MYRFL: variants seen among roughly 807,000 people sequenced by gnomAD.
MYRFL encodes myelin regulatory factor like.
MYRFL carries 88 observed loss-of-function variants against 109.4 expected under a neutral mutation model. That is an observed-to-expected ratio of 0.80 (90% CI 0.68 to 0.96). The LOEUF (loss-of-function observed/expected upper bound fraction) is 0.96, where lower values mean the gene tolerates loss of function less well. MYRFL is among the 40% of genes least tolerant of loss of function. The pLI is 0.00. For synonymous variants in MYRFL, 324 were observed against 320.9 expected (o/e 1.01, Z -0.10); for missense variants, 957 against 954.9 (o/e 1.00, Z -0.03).
At chr12:69,891,618 TCTTTCCTCCTTC>T (rs879775817) in intron 7 of MYRFL, among the ~76,000 whole-genome samples, 1,473 of 117,984 alleles carry the variant, frequency 0.012, 45 homozygotes, top group African/African-American at 0.025. Flanking sequence ...TTTCTTTCTT[TCTTTCCTCCTTC>T]CTTTCTTTTT....
At chr12:69,941,732 T>C (rs879543025) in intron 19 of MYRFL, among the ~76,000 whole-genome samples, 2,180 of 146,722 alleles carry the variant, frequency 0.015, 22 homozygotes, top group Middle Eastern at 0.036. Flanking sequence ...TTCAAAAAAT[T>C]AATGAATCCA....
At chr12:69,929,460 T>G (rs1365368558) in intron 15 of MYRFL, among the ~76,000 whole-genome samples, 2 of 152,140 alleles carry the variant, frequency 1.3e-5, no homozygotes, top group African/African-American at 4.8e-5. Context: ...AGGAGTAAGC[T>G]TTGGCTAGAC....
At position 69,867,787 on chromosome 12, in the gene MYRFL, T is replaced by C. The variant is rs139973749; in HGVS notation, c.138-11241T>C. ...GGGCGTGAGAGAGTACGTGGAGTTC[T>C]GTGAGAAGAGCTTGTTAAAGACTAT... On this transcript the variant is annotated intron_variant, in intron 2 of 24. Transcript: ENST00000552032. Among the ~76,000 whole-genome samples, 23 of 152,300 alleles carry C rather than the reference T, an allele frequency of 1.5e-4. No homozygotes were observed. In the East Asian group the frequency reaches 2.9e-3, roughly 19 times the overall value.
At chr12:69,860,821 T>A (rs1372295951) in intron 2 of MYRFL, among the ~76,000 whole-genome samples, 1 of 150,148 alleles carries the variant, frequency 6.7e-6, no homozygotes, top group Non-Finnish European at 1.5e-5. Context: ...ACATGTGCCA[T>A]GCTGGTGTGC....
chr12:69,836,214 G>A (rs965018931), intron 1 of MYRFL, among the ~76,000 whole-genome samples: 1 of 152,148 alleles, frequency 6.6e-6, no homozygotes, highest in Non-Finnish European at 1.5e-5. Context: ...CATTCCTCTT[G>A]ACGTCCAGCC....
chr12:69,898,191 T>C (rs1954063820), intron 10 of MYRFL, among the ~76,000 whole-genome samples: 2 of 152,196 alleles, frequency 1.3e-5, no homozygotes, highest in African/African-American at 4.8e-5. Context: ...TTTGGGGAAA[T>C]GGCATCTCTC....
At chr12:69,916,571 C>G (rs7977961) in intron 13 of MYRFL, among the ~76,000 whole-genome samples, 24,282 of 152,110 alleles carry the variant, frequency 0.16, 2,295 homozygotes, top group Non-Finnish European at 0.22. Flanking sequence ...TTATAATGAT[C>G]TCCTAACTGA....
intron 1 of MYRFL, among the ~76,000 whole-genome samples, chr12:69,844,080 G>C (rs1264534367): frequency 6.6e-6 from 1 of 152,222 alleles, no homozygotes; most frequent in Non-Finnish European, 1.5e-5. Flanking sequence ...GTTGTTCTCT[G>C]TGTGTAAAAC....
intron 15 of MYRFL, among the ~76,000 whole-genome samples, chr12:69,930,906 A>G (rs1592853650): frequency 6.6e-6 from 1 of 151,978 alleles, no homozygotes; most frequent in East Asian, 1.9e-4. Context: ...AATAAAACCT[A>G]TTGAATCAGA....
At chr12:69,937,901 C>T (rs1955518957) in intron 19 of MYRFL, among the ~76,000 whole-genome samples, 1 of 152,196 alleles carries the variant, frequency 6.6e-6, no homozygotes, top group Non-Finnish European at 1.5e-5. Flanking sequence ...TTACTCTACG[C>T]TAGGTACTGT....
chr12:69,895,746 T>C (rs774341799), intron 9 of MYRFL, among the ~76,000 whole-genome samples: 28 of 152,200 alleles, frequency 1.8e-4, no homozygotes, highest in Non-Finnish European at 3.4e-4. Flanking sequence ...CATGTTTTTC[T>C]AGAGTGACCA....
At chr12:69,870,129 G>GTC (rs1885263692) in intron 2 of MYRFL, among the ~76,000 whole-genome samples, 1 of 46,630 alleles carries the variant, frequency 2.1e-5, no homozygotes, top group African/African-American at 9.5e-5. Flanking sequence ...TTTTTTTTGG[G>GTC]ACAGAGTCTC....
At chr12:69,949,244 T>TA (rs11301848) in intron 19 of MYRFL, among the ~76,000 whole-genome samples, 13,346 of 145,322 alleles carry the variant, frequency 0.092, 671 homozygotes, top group Middle Eastern at 0.15. Context: ...ATCTGCAAAT[T>TA]AAAAAAAAAA....
chr12:69,892,374 A>G (rs1351694106), intron 7 of MYRFL, among the ~76,000 whole-genome samples: 1 of 152,170 alleles, frequency 6.6e-6, no homozygotes, highest in African/African-American at 2.4e-5. Context: ...CCTAAGAGGG[A>G]GAAGCATTCA....
At chr12:69,830,543 G>T (rs1882570296) in intron 1 of MYRFL, among the ~76,000 whole-genome samples, 1 of 151,586 alleles carries the variant, frequency 6.6e-6, no homozygotes, top group Non-Finnish European at 1.5e-5. Context: ...TTGTTCATCT[G>T]TGCAGCAGCC....
chr12:69,888,274 C>CA (rs1886579422), intron 6 of MYRFL, among the ~76,000 whole-genome samples: 1 of 151,884 alleles, frequency 6.6e-6, no homozygotes, highest in Non-Finnish European at 1.5e-5. Context: ...TTTTCCTAAG[C>CA]AAAAAAGGAA....
In MYRFL at chr12:69,932,534, C is replaced by G. The variant is rs951981716; in HGVS notation, c.1852C>G (p.Gln618Glu). 3.9e-6 allele frequency: 6 copies of G among 1,535,792 alleles called. No individual in the cohort carries two copies. In the African/African-American group the frequency reaches 8.2e-5, roughly 21 times the overall value. ...ATAGGTTTATTTTTCAGGAAAAAGACAGGCGTGTCCTAATTGGGTTTTCCA... is the reference window on the plus strand; with the variant it reads ...ATAGGTTTATTTTTCAGGAAAAAGAGAGGCGTGTCCTAATTGGGTTTTCCA... Reference protein sequence around the residue: ...NNKVYFSGKRQACPNWVFQTL... With the variant: ...NNKVYFSGKREACPNWVFQTL... Residue 618 changes from glutamine (Q) to glutamate (E), a missense_variant, in exon 16 of 25, where the codon CAG (glutamine) becomes GAG (glutamate). Transcript: ENST00000552032.
chr12:69,915,375 A>G (rs2120406611), intron 13 of MYRFL, among the ~76,000 whole-genome samples: 1 of 152,234 alleles, frequency 6.6e-6, no homozygotes, highest in South Asian at 2.1e-4. Context: ...CCTTTTTTGT[A>G]AAGAAATTTT....
rs1377097682 is a variant in MYRFL at position 69,957,947 on chromosome 12, T to C, written c.2571+5T>C. The stretch of plus-strand genomic sequence containing the variant: ...ATCTCCCAGGAGATGACACAGGTAA[T>C]GTTTTCTGCCTCCTCTCTTCCCCGC... On this transcript the variant is annotated splice_donor_5th_base_variant and intron_variant, in intron 23 of 24. Transcript: ENST00000552032. 2 of 1,529,618 alleles carry C rather than the reference T, an allele frequency of 1.3e-6. No homozygotes were observed. The highest frequency in any genetic ancestry group is 1.8e-6 in the Non-Finnish European group (2 of 1,141,924). The allele number at this position is 1,529,618 out of a possible 1,614,324, so 94.8% of individuals were successfully genotyped here.
Sources: gnomAD v4.1 joint callset for allele counts (sites outside exome capture counted in the v4.1 genomes callset) on GRCh38, gnomAD v4.1.1 for gene constraint, MANE v1.5 for transcripts, NCBI Gene and HGNC (gene_info 2026-07-23, HGNC 2026-07-21) for gene names.